Variants in NRXN3 observed in about 807,000 individuals in gnomAD.
The protein encoded by NRXN3 is neurexin III.
In NRXN3, 32 loss-of-function variants were observed where a neutral mutation model predicts 137.6. That is an observed-to-expected ratio of 0.23 (90% CI 0.18 to 0.31). The LOEUF (loss-of-function observed/expected upper bound fraction) is 0.31, where lower values mean the gene tolerates loss of function less well. Among genes scored for constraint, NRXN3 ranks in the 10% least tolerant of loss-of-function variants. The pLI is 1.00. For missense variants in NRXN3, 1,574 were observed against 2,062.5 expected, an observed-to-expected ratio of 0.76 and a Z score of 4.59; for synonymous variants, 798 against 784.5, an observed-to-expected ratio of 1.02 and a Z score of -0.29.
chr14:78,595,670 G>C (rs114450329), intron 4 of NRXN3, among the ~76,000 whole-genome samples: 2,523 of 152,242 alleles, frequency 0.017, 72 homozygotes, highest in African/African-American at 0.057. Context: ...TCTGCAAGAT[G>C]GATGCTATAA....
intron 4 of NRXN3, among the ~76,000 whole-genome samples, chr14:78,416,201 A>G (rs1259132295): frequency 6.6e-6 from 1 of 152,188 alleles, no homozygotes; most frequent in Non-Finnish European, 1.5e-5. Flanking sequence ...TAGATCATTC[A>G]TAAACAAGGT....
intron 11 of NRXN3, among the ~76,000 whole-genome samples, chr14:78,964,062 T>C (rs931671128): frequency 1.3e-5 from 2 of 152,116 alleles, no homozygotes; most frequent in African/African-American, 4.8e-5. Context: ...AGCCACTGTC[T>C]CCAGCCAATT....
At chr14:78,392,838 A>G (rs2090953944) in intron 4 of NRXN3, among the ~76,000 whole-genome samples, 1 of 152,286 alleles carries the variant, frequency 6.6e-6, no homozygotes, top group East Asian at 1.9e-4. Flanking sequence ...AATGCCAGGT[A>G]TCTCTTAGTT....
chr14:78,179,572 G>A (rs1006124730), intron 1 of NRXN3, among the ~76,000 whole-genome samples: 10 of 152,238 alleles, frequency 6.6e-5, no homozygotes, highest in Admixed American at 2.0e-4. Flanking sequence ...CAGGAGGGTC[G>A]GAAGGGAACT....
intron 15 of NRXN3, among the ~76,000 whole-genome samples, chr14:79,337,859 T>C (rs565166097): frequency 2.0e-5 from 3 of 152,290 alleles, no homozygotes; most frequent in South Asian, 2.1e-4. Flanking sequence ...TGGTTTGTTA[T>C]GTGTCTTTAA....
chr14:79,347,412 G>A (rs1381614800), intron 15 of NRXN3, among the ~76,000 whole-genome samples: 1 of 151,614 alleles, frequency 6.6e-6, no homozygotes, highest in African/African-American at 2.4e-5. Context: ...TTTTTAGAAT[G>A]AGGCAACGTT....
intron 8 of NRXN3, among the ~76,000 whole-genome samples, chr14:78,785,342 T>G (rs1038959784): frequency 2.0e-5 from 3 of 152,152 alleles, no homozygotes; most frequent in African/African-American, 7.2e-5. Flanking sequence ...AGAGGAAAAC[T>G]TTGGGCACAA....
chr14:78,481,225 G>T (rs774220394), intron 4 of NRXN3, among the ~76,000 whole-genome samples: 1 of 152,266 alleles, frequency 6.6e-6, no homozygotes, highest in South Asian at 2.1e-4. Flanking sequence ...ACAAAATTTT[G>T]TTGGTGAATG....
In NRXN3 at chr14:79,458,232, G is replaced by A. The variant is rs188689803; in HGVS notation, c.3263-8989G>A. On this transcript the variant is annotated intron_variant, in intron 15 of 20. Coordinates refer to ENST00000335750, the MANE Select transcript of NRXN3 (RefSeq NM_001330195.2). ...TAAAACAATTTGACTAAAAATGGGT[G>A]TGATTTTCTTATCTGAGACTGCCAA... is the stretch of plus-strand genomic sequence containing the variant. Among the ~76,000 whole-genome samples the A allele has an allele frequency of 1.8e-4, 28 of 152,250 alleles. 1 individual carries two copies. Among genetic ancestry groups the A allele is most frequent in the African/African-American group, 2.6e-4 (11 of 41,578 alleles).
intron 16 of NRXN3, among the ~76,000 whole-genome samples, chr14:79,592,968 C>G (rs1319702661): frequency 1.3e-5 from 2 of 152,170 alleles, no homozygotes. Context: ...AATAAGCCAT[C>G]AAGTACTTTA....
intron 15 of NRXN3, among the ~76,000 whole-genome samples, chr14:79,070,174 T>G (rs1372711576): frequency 6.6e-6 from 1 of 152,154 alleles, no homozygotes; most frequent in Non-Finnish European, 1.5e-5. Flanking sequence ...CCACGCATCC[T>G]TTTAAATTGG....
intron 8 of NRXN3, among the ~76,000 whole-genome samples, chr14:78,788,429 T>C (rs545924653): frequency 2.1e-4 from 32 of 152,306 alleles, no homozygotes; most frequent in African/African-American, 7.7e-4. Context: ...TGATTCTATG[T>C]GGATTGCCCT....
intron 8 of NRXN3, among the ~76,000 whole-genome samples, chr14:78,794,227 C>T (rs557428304): frequency 6.6e-6 from 1 of 152,074 alleles, no homozygotes; most frequent in South Asian, 2.1e-4. Flanking sequence ...ACTAAAAATA[C>T]AAAAATTAGC....
intron 15 of NRXN3, among the ~76,000 whole-genome samples, chr14:79,185,957 A>G (rs2063497131): frequency 6.6e-6 from 1 of 152,146 alleles, no homozygotes; most frequent in South Asian, 2.1e-4. Flanking sequence ...TTTTGAGATG[A>G]CTTGGAGTCA....
chr14:79,640,304 C>T (rs986508748), intron 16 of NRXN3, among the ~76,000 whole-genome samples: 1 of 135,228 alleles, frequency 7.4e-6, no homozygotes, highest in Non-Finnish European at 1.7e-5. Context: ...TGTTTCTATA[C>T]AGCTATTTTC....
chr14:79,126,070 C>T (rs1227677865), intron 15 of NRXN3, among the ~76,000 whole-genome samples: 1 of 152,044 alleles, frequency 6.6e-6, no homozygotes, highest in African/African-American at 2.4e-5. Flanking sequence ...ACAGAGGCCT[C>T]TGTGGTTAGG....
At chr14:78,388,033 A>G (rs2090227486) in intron 4 of NRXN3, among the ~76,000 whole-genome samples, 1 of 152,204 alleles carries the variant, frequency 6.6e-6, no homozygotes, top group Admixed American at 6.5e-5. Flanking sequence ...TACTTTTCAA[A>G]TAAAAATATC....
intron 15 of NRXN3, among the ~76,000 whole-genome samples, chr14:79,161,783 C>T (rs1442545783): frequency 6.6e-6 from 1 of 151,882 alleles, no homozygotes; most frequent in Non-Finnish European, 1.5e-5. Context: ...AGCTGTCCGT[C>T]GTCCTGAACG....
intron 11 of NRXN3, among the ~76,000 whole-genome samples, chr14:78,958,035 A>G (rs531832403): frequency 1.3e-5 from 2 of 152,290 alleles, no homozygotes; most frequent in African/African-American, 2.4e-5. Context: ...TGTCAGCAGT[A>G]TGCTAGAATT....
Sources: gnomAD v4.1 joint callset for allele counts (sites outside exome capture counted in the v4.1 genomes callset) on GRCh38, gnomAD v4.1.1 for gene constraint, MANE v1.5 for transcripts, NCBI Gene and HGNC (gene_info 2026-07-23, HGNC 2026-07-21) for gene names.